EFL1: variants seen among roughly 807,000 people sequenced by gnomAD.
The protein encoded by EFL1 is elongation factor like GTPase 1.
In EFL1, 76 loss-of-function variants were observed where a neutral mutation model predicts 126.7. The ratio of observed to expected loss-of-function variants is 0.60; its 90% CI spans 0.50 to 0.73. EFL1 has a LOEUF of 0.73. EFL1 is among the 30% of genes least tolerant of loss of function. EFL1 has a pLI of 0.00. For missense variants in EFL1, 1,128 were observed against 1,343.2 expected, an observed-to-expected ratio of 0.84 and a Z score of 2.50; for synonymous variants, 410 against 448.4, an observed-to-expected ratio of 0.91 and a Z score of 1.08.
In EFL1 at chr15:82,152,130, G is replaced by T. The variant is rs766239963; in HGVS notation, c.2324C>A (p.Ser775Tyr). 2 of 1,614,112 alleles carry T rather than the reference G, an allele frequency of 1.2e-6. No individual in the cohort carries two copies. The highest frequency in any genetic ancestry group is 1.7e-6 in the Non-Finnish European group (2 of 1,180,036). Residue 775 changes from serine (S) to tyrosine (Y), a missense_variant, in exon 18 of 20, where the codon TCT (serine) becomes TAT (tyrosine). By Grantham distance (144) the Ser-to-Tyr change is moderately radical. This residue lies in a region of EFL1 where 561 missense variants were observed against 641.7 expected (regional missense o/e 0.87). Transcript: ENST00000268206. ...ILEENSDLIRSMEQLTSSLNE... is the reference protein window; with the variant it reads ...ILEENSDLIRYMEQLTSSLNE... ...CAAAGAGGATGTCAACTGCTCCATAGAACGAATCAAATCACTATTTTCTTC... is the reference window on the plus strand; with the variant it reads ...CAAAGAGGATGTCAACTGCTCCATATAACGAATCAAATCACTATTTTCTTC...
intron 18 of EFL1, among the ~76,000 whole-genome samples, chr15:82,150,043 T>C (rs2073891010): frequency 6.6e-6 from 1 of 152,194 alleles, no homozygotes; most frequent in African/African-American, 2.4e-5. Context: ...GATTGGTGTT[T>C]CCCAAACAAA....
At chr15:82,132,792 T>A (rs2073672176) in intron 19 of EFL1, among the ~76,000 whole-genome samples, 1 of 151,622 alleles carries the variant, frequency 6.6e-6, no homozygotes, top group African/African-American at 2.4e-5. Context: ...CCTGTGGACT[T>A]GGTCATCTGA....
chr15:82,157,782 G>A lies in EFL1; in HGVS notation c.1961C>T (p.Thr654Met), dbSNP rs1163957583. 1.5e-5 allele frequency: 25 copies of A among 1,613,932 alleles called. No homozygotes were observed. The highest frequency in any genetic ancestry group is 3.3e-5 in the South Asian group (3 of 91,064). ...TGCTGTGACTAAAACGTGCTCTCCCGTTTCCTGAATTAAAATCTGGACACA... is the reference window on the plus strand; with the variant it reads ...TGCTGTGACTAAAACGTGCTCTCCCATTTCCTGAATTAAAATCTGGACACA... ...DPCVQILIQE[T>M]GEHVLVTAGE... is the part of the protein sequence containing the mutation. Residue 654 changes from threonine to methionine, a missense_variant, in exon 17 of 20, where the codon ACG becomes ATG. Thr to Met is a moderately conservative substitution (Grantham distance 81). Transcript: ENST00000268206.
intron 14 of EFL1, among the ~76,000 whole-genome samples, chr15:82,218,870 C>T (rs1280388931): frequency 6.6e-6 from 1 of 152,058 alleles, no homozygotes; most frequent in East Asian, 1.9e-4. Flanking sequence ...CAACTGCTAC[C>T]TCCTTCTCTC....
At chr15:82,205,966 C>G (rs909792494) in intron 15 of EFL1, among the ~76,000 whole-genome samples, 1 of 152,198 alleles carries the variant, frequency 6.6e-6, no homozygotes, top group African/African-American at 2.4e-5. Context: ...TGTATGCTAA[C>G]AATCTGATCT....
intron 15 of EFL1, among the ~76,000 whole-genome samples, chr15:82,188,059 A>C (rs1340152757): frequency 2.0e-5 from 3 of 152,188 alleles, no homozygotes; most frequent in Admixed American, 2.0e-4. Flanking sequence ...TTAATAAAAT[A>C]TAACTCTTTG....
At position 82,224,056 on chromosome 15, in the gene EFL1, C is replaced by T. The variant is rs375750674; in HGVS notation, c.1292+1109G>A. Among the ~76,000 whole-genome samples, 17 of 152,220 alleles carry T rather than the reference C, an allele frequency of 1.1e-4. No homozygotes were observed. The East Asian group carries it at 1.7e-3, about 16-fold the overall frequency. On this transcript the variant is annotated intron_variant, in intron 12 of 19. Coordinates refer to ENST00000268206, the MANE Select transcript of EFL1 (RefSeq NM_024580.6). Reference sequence around the variant, plus strand: ...GAAGCCTTCTCAGATGGAGGAACAGCACAAGTACAGATAGGACATTTGTTC... The same window carrying T: ...GAAGCCTTCTCAGATGGAGGAACAGTACAAGTACAGATAGGACATTTGTTC...
At chr15:82,260,304 G>A (rs2075102103) in intron 2 of EFL1, among the ~76,000 whole-genome samples, 1 of 151,994 alleles carries the variant, frequency 6.6e-6, no homozygotes, top group Non-Finnish European at 1.5e-5. Flanking sequence ...AAAAACTCAT[G>A]GAGGCAGGGG....
chr15:82,184,820 A>G (rs1337692603), intron 15 of EFL1, among the ~76,000 whole-genome samples: 1 of 152,224 alleles, frequency 6.6e-6, no homozygotes, highest in Non-Finnish European at 1.5e-5. Context: ...TGGATGAAAT[A>G]GAGTGAAACA....
chr15:82,198,288 C>T (rs1464752239), intron 15 of EFL1, among the ~76,000 whole-genome samples: 1 of 152,108 alleles, frequency 6.6e-6, no homozygotes, highest in African/African-American at 2.4e-5. Flanking sequence ...GAGGGGACTT[C>T]GGCCTGCTCA....
At chr15:82,237,985 T>C (rs1171891753) in intron 7 of EFL1, among the ~76,000 whole-genome samples, 1 of 152,146 alleles carries the variant, frequency 6.6e-6, no homozygotes, top group Non-Finnish European at 1.5e-5. Context: ...TAAATGGTTG[T>C]CAAGGGTTAA....
At chr15:82,175,895 GAATAAT>G (rs1025963843) in intron 15 of EFL1, among the ~76,000 whole-genome samples, 45 of 152,098 alleles carry the variant, frequency 3.0e-4, no homozygotes, top group African/African-American at 1.1e-3. Flanking sequence ...TATAAAAATA[GAATAAT>G]AATAACTAAA....
At chr15:82,254,894 G>A (rs146739186) in intron 3 of EFL1, among the ~76,000 whole-genome samples, 12 of 152,298 alleles carry the variant, frequency 7.9e-5, no homozygotes, top group African/African-American at 2.6e-4. Flanking sequence ...TGAAACCACT[G>A]TCAGTACTGA....
chr15:82,232,566 T>C (rs1446933407), intron 7 of EFL1, among the ~76,000 whole-genome samples: 1 of 152,206 alleles, frequency 6.6e-6, no homozygotes, highest in Non-Finnish European at 1.5e-5. Context: ...AGTTAATCTC[T>C]TCACTAGTAA....
At chr15:82,211,521 G>C in intron 15 of EFL1, among the ~76,000 whole-genome samples, 1 of 118,120 alleles carries the variant, frequency 8.5e-6, no homozygotes, top group African/African-American at 3.4e-5. Context: ...GTGAGACTCT[G>C]TCTCAAAGAA....
intron 15 of EFL1, among the ~76,000 whole-genome samples, chr15:82,202,279 A>AT (rs757545667): frequency 1.5e-4 from 22 of 151,540 alleles, no homozygotes; most frequent in East Asian, 3.9e-4. Context: ...CTCTTTTCCT[A>AT]TTTTTTTTAG....
chr15:82,201,261 T>C (rs28540744), intron 15 of EFL1, among the ~76,000 whole-genome samples: 105,831 of 152,086 alleles, frequency 0.7, 38,377 homozygotes, highest in African/African-American at 0.9. Context: ...AGTGTGAAGA[T>C]TTGGGAGGCC....
At chr15:82,159,547 G>A (rs1422059245) in intron 16 of EFL1, among the ~76,000 whole-genome samples, 2 of 150,572 alleles carry the variant, frequency 1.3e-5, no homozygotes, top group Non-Finnish European at 2.9e-5. Flanking sequence ...AAATGTTGCC[G>A]CTGACAGCTA....
chr15:82,244,781 G>C (rs1053471236), intron 4 of EFL1, among the ~76,000 whole-genome samples: 4 of 152,132 alleles, frequency 2.6e-5, no homozygotes, highest in African/African-American at 9.7e-5. Context: ...ACTAGGACCT[G>C]CCAAAACATC....
Sources: gnomAD v4.1 joint callset for allele counts (sites outside exome capture counted in the v4.1 genomes callset) on GRCh38, gnomAD v4.1.1 for gene constraint, gnomAD v4.1.1 regional missense constraint, MANE v1.5 for transcripts, NCBI Gene and HGNC (gene_info 2026-07-23, HGNC 2026-07-21) for gene names.